Variants in TENM3 observed in about 807,000 individuals in gnomAD.
TENM3 encodes teneurin-3.
Under a neutral mutation model 255.1 loss-of-function variants are expected in TENM3, and 63 were observed. That is an observed-to-expected ratio of 0.25 (90% CI 0.20 to 0.30). TENM3 has a LOEUF of 0.30. Ranked by LOEUF, TENM3 falls within the 10% of genes least tolerant of loss-of-function variation. TENM3 has a pLI of 1.00. For missense variants in TENM3, 2,929 were observed against 3,461.1 expected, an observed-to-expected ratio of 0.85 and a Z score of 3.86; for synonymous variants, 1,306 against 1,322.3, an observed-to-expected ratio of 0.99 and a Z score of 0.27.
the TENM3 span, among the ~76,000 whole-genome samples, chr4:181,647,900 C>A: frequency 6.6e-6 from 1 of 152,092 alleles, no homozygotes; most frequent in East Asian, 1.9e-4. Flanking sequence ...TGTTTGGTTT[C>A]AGCTTGAGTC....
chr4:182,761,420 A>C (rs1048782714), intron 22 of TENM3, among the ~76,000 whole-genome samples: 4 of 92,868 alleles, frequency 4.3e-5, no homozygotes, highest in African/African-American at 1.9e-4. Flanking sequence ...GCTCCATCCC[A>C]AAAAAAAGAA....
chr4:182,241,626 C>T (rs540681324), upstream of TENM3, among the ~76,000 whole-genome samples: 22 of 151,174 alleles, frequency 1.5e-4, no homozygotes, highest in African/African-American at 5.4e-4. Flanking sequence ...CCTCCTGCCT[C>T]AGCCTCCTGA....
At chr4:182,045,177 G>A in the TENM3 span, among the ~76,000 whole-genome samples, 1 of 152,144 alleles carries the variant, frequency 6.6e-6, no homozygotes, top group African/African-American at 2.4e-5. Flanking sequence ...TTCTGAATGA[G>A]CAGGGCCATC....
the TENM3 span, among the ~76,000 whole-genome samples, chr4:181,528,143 T>G: frequency 1.4e-5 from 2 of 147,004 alleles, no homozygotes; most frequent in Admixed American, 6.8e-5. Context: ...TGATTTAAAA[T>G]TTTCTATTTT....
the TENM3 span, among the ~76,000 whole-genome samples, chr4:182,131,568 A>G: frequency 1.4e-3 from 207 of 152,268 alleles, 1 homozygote; most frequent in Non-Finnish European, 2.0e-3. Context: ...GGTTTCAGTT[A>G]TTTATTTTAA....
intron 16 of TENM3, among the ~76,000 whole-genome samples, chr4:182,733,141 T>C (rs1579281427): frequency 6.6e-6 from 1 of 152,348 alleles, no homozygotes; most frequent in East Asian, 1.9e-4. Context: ...TTACATAGTA[T>C]AGTTTGAGAA....
chr4:181,916,697 T>G, the TENM3 span, among the ~76,000 whole-genome samples: 2 of 151,988 alleles, frequency 1.3e-5, no homozygotes, highest in Non-Finnish European at 2.9e-5. Context: ...GCCAACATGG[T>G]GAAACCCCGT....
At position 182,262,935 on chromosome 4, in the gene TENM3, G is replaced by C. The variant is rs112688144; in HGVS notation, c.-76+19459G>C. ...TCACCGTGTTAGCCAGGATGGTCTC[G>C]ATCTCCTGACCTCGTGATCCGCCTG... On this transcript the variant is annotated intron_variant, in intron 1 of 27. Transcript: ENST00000511685. Among the ~76,000 whole-genome samples, 379 of 151,982 alleles carry C rather than the reference G, an allele frequency of 2.5e-3. 2 individuals are homozygous for C. Among genetic ancestry groups the C allele is most frequent in the African/African-American group, 8.4e-3 (348 of 41,456 alleles).
At chr4:181,491,523 A>G in the TENM3 span, among the ~76,000 whole-genome samples, 1 of 152,078 alleles carries the variant, frequency 6.6e-6, no homozygotes, top group Non-Finnish European at 1.5e-5. Context: ...TTTCTCAACT[A>G]TATTGTATAT....
intron 19 of TENM3, chr4:182,744,075 C>G (rs1761809814): frequency 1.2e-6 from 1 of 846,286 alleles, no homozygotes. Flanking sequence ...TTTTAGAAGG[C>G]TTTTCTAACT....
At chr4:181,705,552 C>T in the TENM3 span, among the ~76,000 whole-genome samples, 3 of 152,124 alleles carry the variant, frequency 2.0e-5, no homozygotes, top group Non-Finnish European at 2.9e-5. Context: ...AAAACCATGA[C>T]ATTCAATCTT....
At chr4:182,796,992 T>C (rs577545981) in intron 27 of TENM3, among the ~76,000 whole-genome samples, 1 of 152,296 alleles carries the variant, frequency 6.6e-6, no homozygotes, top group African/African-American at 2.4e-5. Flanking sequence ...AACATAGAAA[T>C]GCAGAAGCTC....
the TENM3 span, among the ~76,000 whole-genome samples, chr4:181,633,136 G>A: frequency 3.3e-5 from 5 of 152,108 alleles, no homozygotes; most frequent in South Asian, 2.1e-4. Context: ...AATCTCATAC[G>A]GTTGTTGAGG....
At chr4:182,794,534 A>G (rs1766350013) in intron 26 of TENM3, among the ~76,000 whole-genome samples, 1 of 152,202 alleles carries the variant, frequency 6.6e-6, no homozygotes, top group East Asian at 1.9e-4. Flanking sequence ...TGCTTAGACA[A>G]TGGATCCTGT....
the TENM3 span, among the ~76,000 whole-genome samples, chr4:182,083,362 T>G: frequency 6.6e-6 from 1 of 152,188 alleles, no homozygotes; most frequent in Admixed American, 6.5e-5. Flanking sequence ...CCTGGTTAGC[T>G]GGTTACTCTC....
intron 12 of TENM3, among the ~76,000 whole-genome samples, chr4:182,704,578 G>A (rs557908220): frequency 5.3e-5 from 8 of 152,212 alleles, no homozygotes; most frequent in Middle Eastern, 3.4e-3. Flanking sequence ...TATTTCTCTC[G>A]TTTGGAATGC....
the TENM3 span, among the ~76,000 whole-genome samples, chr4:181,775,793 G>C: frequency 6.6e-6 from 1 of 152,016 alleles, no homozygotes; most frequent in African/African-American, 2.4e-5. Context: ...TATTTTTATT[G>C]ATGCATAATA....
chr4:181,462,541 T>A, the TENM3 span, among the ~76,000 whole-genome samples: 1 of 152,140 alleles, frequency 6.6e-6, no homozygotes, highest in African/African-American at 2.4e-5. Flanking sequence ...TCATCCAATG[T>A]CTGAAAACTG....
chr4:182,197,714 T>C (rs1477649739), intron 1 of TENM3, among the ~76,000 whole-genome samples: 1 of 152,242 alleles, frequency 6.6e-6, no homozygotes, highest in Non-Finnish European at 1.5e-5. Context: ...GCTACCTAGT[T>C]GCATATAATC....
Sources: gnomAD v4.1 joint callset for allele counts (sites outside exome capture counted in the v4.1 genomes callset) on GRCh38, gnomAD v4.1.1 for gene constraint, MANE v1.5 for transcripts, NCBI Gene and HGNC (gene_info 2026-07-23, HGNC 2026-07-21) for gene names.